Variants in DOCK7 observed in about 807,000 individuals in gnomAD.
DOCK7 encodes dedicator of cytokinesis protein 7.
A neutral mutation model predicts 271.0 loss-of-function variants in DOCK7; 138 were observed. The observed-to-expected ratio is 0.51, with a 90% CI of 0.44 to 0.59. DOCK7 has a LOEUF of 0.59. Ranked by LOEUF, DOCK7 falls within the 20% of genes least tolerant of loss-of-function variation. The probability of loss-of-function intolerance (pLI) is 0.00; values close to 1 mark genes in which losing one functional copy is unlikely to be tolerated. For missense variants in DOCK7, 2,066 were observed against 2,592.4 expected, an observed-to-expected ratio of 0.80 and a Z score of 4.41; for synonymous variants, 823 against 876.1, an observed-to-expected ratio of 0.94 and a Z score of 1.07.
At chr1:62,503,120 G>A (rs1646834766) in intron 37 of DOCK7, among the ~76,000 whole-genome samples, 1 of 152,042 alleles carries the variant, frequency 6.6e-6, no homozygotes, top group Non-Finnish European at 1.5e-5. Context: ...CAGTAGTTAT[G>A]AGTATTAGTA....
At chr1:62,497,467 T>C (rs1646656512) in intron 37 of DOCK7, among the ~76,000 whole-genome samples, 1 of 152,112 alleles carries the variant, frequency 6.6e-6, no homozygotes, top group African/African-American at 2.4e-5. Context: ...CCCTATTGAT[T>C]ATCTAAAAAA....
At chr1:62,517,973 AATT>A (rs1644721268) in intron 31 of DOCK7, among the ~76,000 whole-genome samples, 5 of 152,344 alleles carry the variant, frequency 3.3e-5, no homozygotes, top group Admixed American at 3.3e-4. Flanking sequence ...ATGAATACAT[AATT>A]ATATTTTCTA....
At position 62,619,704 on chromosome 1, in the gene DOCK7, T is replaced by C. The variant is rs183006725; in HGVS notation, c.1519+196A>G. ...TAAGTGGGGACTACTGCACTCAAAGTACCAAAGATGCTGAATCCTGCATCC... is the reference window on the plus strand; with the variant it reads ...TAAGTGGGGACTACTGCACTCAAAGCACCAAAGATGCTGAATCCTGCATCC... On this transcript the variant is annotated intron_variant, in intron 13 of 49. Coordinates refer to ENST00000635253, the MANE Select transcript of DOCK7 (RefSeq NM_001367561.1). Among the ~76,000 whole-genome samples the C allele has an allele frequency of 8.3e-4, 126 of 152,096 alleles. 1 individual carries two copies. The highest frequency in any genetic ancestry group is 3.4e-3 in the Middle Eastern group (1 of 294).
chr1:62,663,693 C>T (rs772476954), intron 1 of DOCK7, among the ~76,000 whole-genome samples: 2 of 152,088 alleles, frequency 1.3e-5, no homozygotes, highest in Non-Finnish European at 2.9e-5. Context: ...ATCTTTTCTC[C>T]TGCTTCTCTT....
Position 62,535,499 on chromosome 1 carries a change from G to A in DOCK7, c.3605C>T (p.Ala1202Val). 1 of 1,613,528 alleles carries A rather than the reference G, an allele frequency of 6.2e-7. No individual in the cohort carries two copies. The highest frequency in any genetic ancestry group is 8.5e-7 in the Non-Finnish European group (1 of 1,179,780). ...TELAVILDPD[A>V]EGLFGLHKKV... Reference sequence around the variant, plus strand: ...TAAAAACTAGTGTACTCACCCTTCAGCATCAGGGTCTAAAATGACAGCCAG... The same window carrying A: ...TAAAAACTAGTGTACTCACCCTTCAACATCAGGGTCTAAAATGACAGCCAG... Residue 1202 changes from alanine to valine, a missense_variant, in exon 29 of 50, where the codon GCT becomes GTT. By Grantham distance (64) the Ala-to-Val change is moderately conservative. This residue lies in a region of DOCK7 where 1,414 missense variants were observed against 1,670.4 expected (regional missense o/e 0.85). Coordinates refer to ENST00000635253, the MANE Select transcript of DOCK7 (RefSeq NM_001367561.1).
intron 31 of DOCK7, among the ~76,000 whole-genome samples, chr1:62,526,652 C>T (rs1645018414): frequency 6.6e-6 from 1 of 152,054 alleles, no homozygotes; most frequent in Non-Finnish European, 1.5e-5. Context: ...TTCTTAACAG[C>T]CCCAAAGTGG....
In DOCK7 at chr1:62,648,458, T is replaced by G; in HGVS notation, c.476A>C (p.Glu159Ala). The change falls in exon 5 of 50, where the codon GAA becomes GCA. Residue 159 changes from glutamate (E) to alanine (A), a missense_variant. Coordinates refer to ENST00000635253, the MANE Select transcript of DOCK7 (RefSeq NM_001367561.1). ...RQKGLPKQVF[E>A]SDEAPDGNSY... ...GTTGCCATCTGGAGCTTCATCAGAT[T>G]CAAAAACTTGTTTTGGCAAACCTTT... The G allele has an allele frequency of 6.5e-7, 1 of 1,549,638 alleles. No homozygotes were observed. Among genetic ancestry groups the G allele is most frequent in the Non-Finnish European group, 8.7e-7 (1 of 1,146,024 alleles).
rs528270131 is a variant in DOCK7, at chr1:62,493,666, C to T, written c.5217+609G>A. 7.8e-4 allele frequency among the ~76,000 whole-genome samples: 118 copies of T among 152,138 alleles called. No individual in the cohort carries two copies. In the South Asian group the frequency reaches 0.012, roughly 16 times the overall value. ...TTGTAAAACATTCAACTTTGTTTTCCGAGAAACGATAACTTTCTTTTTGCA... is the reference window on the plus strand; with the variant it reads ...TTGTAAAACATTCAACTTTGTTTTCTGAGAAACGATAACTTTCTTTTTGCA... On this transcript the variant is annotated intron_variant, in intron 40 of 49. Transcript: ENST00000635253.
At chr1:62,548,240 A>G (rs1416326411) in intron 22 of DOCK7, among the ~76,000 whole-genome samples, 2 of 151,990 alleles carry the variant, frequency 1.3e-5, no homozygotes, top group African/African-American at 4.8e-5. Flanking sequence ...AAAAAACAGA[A>G]TAACAGGATT....
intron 7 of DOCK7, among the ~76,000 whole-genome samples, chr1:62,640,311 A>G (rs1226282399): frequency 6.6e-6 from 1 of 152,076 alleles, no homozygotes; most frequent in African/African-American, 2.4e-5. Flanking sequence ...CAAGAGACCG[A>G]GACCATCCTG....
chr1:62,593,307 C>A (rs1035147549), intron 14 of DOCK7, among the ~76,000 whole-genome samples: 3 of 152,102 alleles, frequency 2.0e-5, no homozygotes, highest in Non-Finnish European at 4.4e-5. Context: ...TGGTGGCTCA[C>A]GCTTGTAATC....
intron 14 of DOCK7, chr1:62,605,014 T>C (rs955721854): frequency 3.5e-6 from 2 of 569,076 alleles, no homozygotes; most frequent in Non-Finnish European, 6.1e-6. Context: ...CAATCAAAAT[T>C]CTTATAATAC....
chr1:62,604,810 T>C (rs1314857143), intron 14 of DOCK7: 10 of 1,612,630 alleles, frequency 6.2e-6, no homozygotes, highest in Non-Finnish European at 8.5e-6. Flanking sequence ...TCAGAAAGCT[T>C]TGAATGAACT....
At chr1:62,637,034 A>G (rs1655357835) in intron 7 of DOCK7, among the ~76,000 whole-genome samples, 1 of 152,208 alleles carries the variant, frequency 6.6e-6, no homozygotes, top group African/African-American at 2.4e-5. Flanking sequence ...TTCAGAGGAA[A>G]ACAGGAGCAT....
intron 37 of DOCK7, among the ~76,000 whole-genome samples, chr1:62,504,334 A>C (rs1646879235): frequency 6.6e-6 from 1 of 152,188 alleles, no homozygotes; most frequent in African/African-American, 2.4e-5. Context: ...CAAGATACTT[A>C]AACTTGTATT....
At chr1:62,658,676 G>A (rs543060613) in intron 2 of DOCK7, among the ~76,000 whole-genome samples, 5 of 152,164 alleles carry the variant, frequency 3.3e-5, no homozygotes, top group South Asian at 4.1e-4. Flanking sequence ...AAGGCCGGGC[G>A]CAGTAGCTCA....
chr1:62,458,380 C>T (rs1422928146), intron 48 of DOCK7: 1 of 152,134 alleles, frequency 6.6e-6, no homozygotes, highest in Non-Finnish European at 1.5e-5. Flanking sequence ...CTATTTACTT[C>T]CAGTGTCATT....
chr1:62,480,984 G>C (rs1646106190), intron 43 of DOCK7, among the ~76,000 whole-genome samples: 1 of 141,392 alleles, frequency 7.1e-6, no homozygotes, highest in Non-Finnish European at 1.5e-5. Flanking sequence ...ACTCCAGCCT[G>C]GGCGACAGAG....
chr1:62,578,888 A>C lies in DOCK7; in HGVS notation c.1950T>G (p.Phe650Leu). ...GTTTTTGTTGACAACTAACATGATA[A>C]AAAGTAAAAAGCAAGTGATGATGGT... ...LTDHHHLLFTFYHVSCQQKQN... is the reference protein window; with the variant it reads ...LTDHHHLLFTLYHVSCQQKQN... The change falls in exon 17 of 50, where the codon TTT becomes TTG. Residue 650 changes from phenylalanine to leucine, a missense_variant. By Grantham distance (22) the Phe-to-Leu change is conservative (BLOSUM62 0). Transcript: ENST00000635253. 6.2e-7 allele frequency: 1 copy of C among 1,610,200 alleles called. No homozygotes were observed. Among genetic ancestry groups the C allele is most frequent in the East Asian group, 2.2e-5 (1 of 44,594 alleles).
Sources: gnomAD v4.1 joint callset for allele counts (sites outside exome capture counted in the v4.1 genomes callset) on GRCh38, gnomAD v4.1.1 for gene constraint, gnomAD v4.1.1 regional missense constraint, MANE v1.5 for transcripts, NCBI Gene and HGNC (gene_info 2026-07-23, HGNC 2026-07-21) for gene names.